OR3A2: variants seen among roughly 807,000 people sequenced by gnomAD.
OR3A2 encodes the protein olfactory receptor 3A2.
For missense variants in OR3A2, 318 were observed against 392.8 expected (o/e 0.81, Z 1.61); for synonymous variants, 126 against 159.3 (o/e 0.79, Z 1.57).
chr17:3,290,979 A>C (rs748298586), intron 3 of OR3A2: 1 of 152,222 alleles, frequency 6.6e-6, no homozygotes, highest in Non-Finnish European at 1.5e-5. Context: ...TATATAATAC[A>C]TATTAATGGA....
chr17:3,373,226 C>G (rs939205360), intron 2 of OR3A2, among the ~76,000 whole-genome samples: 1 of 152,078 alleles, frequency 6.6e-6, no homozygotes. Flanking sequence ...TGTGGTCGAT[C>G]TTGGAGAATG....
intron 2 of OR3A2, among the ~76,000 whole-genome samples, chr17:3,354,879 T>C (rs975273634): frequency 6.6e-6 from 1 of 151,408 alleles, no homozygotes; most frequent in African/African-American, 2.4e-5. Flanking sequence ...TCTTCTGTTT[T>C]GAGGTAGGCA....
At chr17:3,332,318 C>T (rs951806830) in intron 3 of OR3A2, among the ~76,000 whole-genome samples, 9 of 152,206 alleles carry the variant, frequency 5.9e-5, no homozygotes, top group African/African-American at 1.7e-4. Flanking sequence ...GCCTCGCTGC[C>T]GCCTTGCAGT....
At chr17:3,277,869 G>A in exon 2 of OR3A2, 2 of 1,256,162 alleles carry the variant, frequency 1.6e-6, no homozygotes, top group East Asian at 2.3e-5. Flanking sequence ...AGCATCAGGA[G>A]ATAGGAAAAA....
rs1325895856 is a variant in OR3A2, at chr17:3,362,180, CT to C, written c.-179+21623del. 2.0e-5 allele frequency among the ~76,000 whole-genome samples: 3 copies of C among 151,678 alleles called. 1 individual carries two copies. The highest frequency in any genetic ancestry group is 7.3e-5 in the African/African-American group (3 of 40,998). ...GTGTTGAGGAATTTATCCATTTCTT[CT>C]AGATTTTCTAGTTTATTTGCGTAGA... On this transcript the variant is annotated intron_variant, in intron 2 of 4. Transcript: ENST00000573491.
intron 3 of OR3A2, among the ~76,000 whole-genome samples, chr17:3,330,367 C>G (rs2049220046): frequency 6.7e-6 from 1 of 149,864 alleles, no homozygotes; most frequent in African/African-American, 2.5e-5. Flanking sequence ...GTAGGTCACT[C>G]AGGACTTGCT....
intron 2 of OR3A2, among the ~76,000 whole-genome samples, chr17:3,341,442 C>T (rs534454581): frequency 6.6e-6 from 1 of 152,154 alleles, no homozygotes; most frequent in Admixed American, 6.5e-5. Context: ...TTCAGGAGCT[C>T]TTGTTAGGCA....
At chr17:3,385,175 C>G (rs1368125647) in intron 1 of OR3A2, among the ~76,000 whole-genome samples, 1 of 152,126 alleles carries the variant, frequency 6.6e-6, no homozygotes, top group Non-Finnish European at 1.5e-5. Context: ...GCCTGGGCAA[C>G]AAGAGTGAAA....
chr17:3,339,824 T>C (rs1443217312), intron 2 of OR3A2, among the ~76,000 whole-genome samples: 3 of 152,212 alleles, frequency 2.0e-5, no homozygotes, highest in Non-Finnish European at 4.4e-5. Flanking sequence ...TTTCTATTGA[T>C]TGGAATAGTT....
intron 2 of OR3A2, among the ~76,000 whole-genome samples, chr17:3,354,174 G>C (rs949274096): frequency 6.8e-6 from 1 of 147,610 alleles, no homozygotes; most frequent in Admixed American, 6.7e-5. Flanking sequence ...GTCTGTTTTT[G>C]GTATCAGAGT....
chr17:3,277,337 A>T (rs1206286013), exon 2 of OR3A2: 2 of 152,262 alleles, frequency 1.3e-5, no homozygotes, highest in African/African-American at 2.4e-5. Context: ...TGGTTTTTTT[A>T]AAAAACTTTT....
chr17:3,351,620 T>G (rs1332519942), intron 2 of OR3A2, among the ~76,000 whole-genome samples: 7 of 137,290 alleles, frequency 5.1e-5, no homozygotes, highest in Non-Finnish European at 1.1e-4. Flanking sequence ...AGGTAATTTA[T>G]AGATTCAATG....
intron 1 of OR3A2, among the ~76,000 whole-genome samples, chr17:3,384,911 G>T (rs999026113): frequency 6.6e-6 from 1 of 152,170 alleles, no homozygotes; most frequent in Non-Finnish European, 1.5e-5. Flanking sequence ...AGCTTGTCTG[G>T]CCAGGCACAG....
intron 2 of OR3A2, among the ~76,000 whole-genome samples, chr17:3,340,798 G>C (rs2049310443): frequency 6.6e-6 from 1 of 152,188 alleles, no homozygotes; most frequent in Non-Finnish European, 1.5e-5. Context: ...GTGCAGAGCT[G>C]AGTTCAATTC....
At chr17:3,291,457 C>G (rs565422099) in intron 3 of OR3A2, 2 of 561,378 alleles carry the variant, frequency 3.6e-6, no homozygotes, top group Non-Finnish European at 6.2e-6. Context: ...CCTATACACT[C>G]ATTGCTTATA....
intron 2 of OR3A2, among the ~76,000 whole-genome samples, chr17:3,336,420 C>G (rs1489954817): frequency 6.6e-6 from 1 of 151,946 alleles, no homozygotes; most frequent in African/African-American, 2.4e-5. Flanking sequence ...CATATTTTGA[C>G]AAAATTTTAG....
chr17:3,358,270 T>C (rs937522560), intron 2 of OR3A2, among the ~76,000 whole-genome samples: 4 of 151,866 alleles, frequency 2.6e-5, no homozygotes, highest in Non-Finnish European at 5.9e-5. Context: ...TGTGTCTTGA[T>C]TTCCCCTCAG....
At chr17:3,315,551 T>C (rs2049074808) in intron 3 of OR3A2, among the ~76,000 whole-genome samples, 1 of 152,074 alleles carries the variant, frequency 6.6e-6, no homozygotes, top group Non-Finnish European at 1.5e-5. Flanking sequence ...TTTTTGCTTG[T>C]TGATTTGTTG....
chr17:3,375,039 T>A (rs900965433), intron 2 of OR3A2, among the ~76,000 whole-genome samples: 1 of 151,810 alleles, frequency 6.6e-6, no homozygotes, highest in East Asian at 1.9e-4. Flanking sequence ...GTATTTTTTT[T>A]AATTTCCTTA....
Sources: gnomAD v4.1 joint callset for allele counts (sites outside exome capture counted in the v4.1 genomes callset) on GRCh38, gnomAD v4.1.1 for gene constraint, MANE v1.5 for transcripts, NCBI Gene and HGNC (gene_info 2026-07-23, HGNC 2026-07-21) for gene names.